The following PTPRD variants were observed in gnomAD, a reference collection of about 807,000 sequenced individuals.
PTPRD encodes protein tyrosine phosphatase receptor type D, also known as receptor-type tyrosine-protein phosphatase delta.
PTPRD carries 34 observed loss-of-function variants against 214.5 expected under a neutral mutation model. The ratio of observed to expected loss-of-function variants is 0.16; its 90% CI spans 0.12 to 0.21. PTPRD has a LOEUF of 0.21. PTPRD is among the 10% of genes least tolerant of loss of function. The pLI is 1.00. For missense variants in PTPRD, 2,545 were observed against 2,398.7 expected (o/e 1.06, Z -1.27); for synonymous variants, 1,128 against 845.7 (o/e 1.33, Z -5.79).
intron 5 of PTPRD, among the ~76,000 whole-genome samples, chr9:9,907,759 C>A (rs894301367): frequency 2.6e-5 from 4 of 151,878 alleles, no homozygotes; most frequent in Non-Finnish European, 4.4e-5. Context: ...CACAATTAAT[C>A]ATACAATTCT....
At position 9,292,465 on chromosome 9, in the gene PTPRD, T is replaced by C. The variant is rs994447704; in HGVS notation, c.-203+104984A>G. On this transcript the variant is annotated intron_variant, in intron 9 of 45. Coordinates refer to ENST00000381196, the MANE Select transcript of PTPRD (RefSeq NM_002839.4). ...AGAGAGTATTTTTTTTAAATAAACT[T>C]TATATTTTAGAATACTTTAACAGAA... Among the ~76,000 whole-genome samples, 24 of 151,504 alleles carry C rather than the reference T, an allele frequency of 1.6e-4. No homozygotes were observed. The East Asian group carries it at 4.3e-3, about 27-fold the overall frequency.
chr9:8,954,586 C>T (rs762336975), intron 11 of PTPRD, among the ~76,000 whole-genome samples: 7 of 151,646 alleles, frequency 4.6e-5, no homozygotes, highest in Non-Finnish European at 1.0e-4. Context: ...CAAAAAACCA[C>T]TCAGCTAAAG....
chr9:9,955,140 C>T (rs1217459457), intron 4 of PTPRD, among the ~76,000 whole-genome samples: 2 of 152,164 alleles, frequency 1.3e-5, no homozygotes, highest in South Asian at 2.1e-4. Flanking sequence ...GCAATGTAGT[C>T]AGGTCCTCTT....
intron 2 of PTPRD, among the ~76,000 whole-genome samples, chr9:10,495,321 AG>A (rs1050339604): frequency 6.6e-6 from 1 of 151,862 alleles, no homozygotes; most frequent in African/African-American, 2.4e-5. Flanking sequence ...GAGAGACATA[AG>A]GAAAGACTGG....
chr9:8,749,376 C>T (rs60192955), intron 11 of PTPRD, among the ~76,000 whole-genome samples: 10,508 of 152,080 alleles, frequency 0.069, 1,114 homozygotes, highest in African/African-American at 0.23. Flanking sequence ...TTAGTAGAGA[C>T]GGGGTTTCAC....
intron 39 of PTPRD, among the ~76,000 whole-genome samples, chr9:8,354,422 TTAAA>T (rs1390465775): frequency 6.6e-6 from 1 of 152,122 alleles, no homozygotes; most frequent in African/African-American, 2.4e-5. Flanking sequence ...TACGAAAAAT[TTAAA>T]TAATAGTAAT....
chr9:9,340,436 G>A (rs780120885), intron 9 of PTPRD, among the ~76,000 whole-genome samples: 1 of 152,058 alleles, frequency 6.6e-6, no homozygotes, highest in Non-Finnish European at 1.5e-5. Flanking sequence ...ATACATTATG[G>A]ATAAAATATT....
chr9:10,024,181 G>C (rs1242873347), intron 4 of PTPRD, among the ~76,000 whole-genome samples: 1 of 151,976 alleles, frequency 6.6e-6, no homozygotes, highest in Non-Finnish European at 1.5e-5. Flanking sequence ...ATTATGATAA[G>C]CATTTTTATC....
intron 5 of PTPRD, among the ~76,000 whole-genome samples, chr9:9,822,100 G>A (rs1253956860): frequency 6.6e-6 from 1 of 151,510 alleles, no homozygotes; most frequent in East Asian, 1.9e-4. Context: ...AAACTCACTT[G>A]AAAATTGGCC....
chr9:9,203,791 T>C (rs185567346), intron 9 of PTPRD, among the ~76,000 whole-genome samples: 1 of 152,308 alleles, frequency 6.6e-6, no homozygotes, highest in East Asian at 1.9e-4. Flanking sequence ...ACATGCTTTA[T>C]AGCAAAGAAA....
At chr9:8,787,976 G>A (rs376699547) in intron 11 of PTPRD, among the ~76,000 whole-genome samples, 1 of 152,012 alleles carries the variant, frequency 6.6e-6, no homozygotes, top group Non-Finnish European at 1.5e-5. Context: ...GGTGCTTTTT[G>A]CTAACTTTGA....
intron 3 of PTPRD, among the ~76,000 whole-genome samples, chr9:10,051,175 G>T (rs1030108224): frequency 6.6e-6 from 1 of 151,966 alleles, no homozygotes; most frequent in African/African-American, 2.4e-5. Context: ...TAAGCAAAGG[G>T]CTCATTTTGT....
intron 12 of PTPRD, among the ~76,000 whole-genome samples, chr9:8,655,928 C>T (rs1390132117): frequency 6.6e-6 from 1 of 152,052 alleles, no homozygotes; most frequent in African/African-American, 2.4e-5. Flanking sequence ...TTCCATGGTT[C>T]GCTACTATTG....
intron 10 of PTPRD, among the ~76,000 whole-genome samples, chr9:9,044,424 C>T (rs942733110): frequency 6.6e-6 from 1 of 152,178 alleles, no homozygotes; most frequent in South Asian, 2.1e-4. Context: ...ACTGAGGACA[C>T]TTTTGCAGCA....
intron 10 of PTPRD, among the ~76,000 whole-genome samples, chr9:9,144,557 TC>T (rs1410720090): frequency 1.3e-5 from 2 of 151,962 alleles, no homozygotes; most frequent in African/African-American, 4.8e-5. Context: ...GTCGAGACCA[TC>T]CTGGCTAACA....
At chr9:9,128,558 C>A (rs1243649762) in intron 10 of PTPRD, among the ~76,000 whole-genome samples, 2 of 152,186 alleles carry the variant, frequency 1.3e-5, no homozygotes, top group Non-Finnish European at 2.9e-5. Flanking sequence ...TTAGCTAGCA[C>A]AAACAGATTT....
chr9:10,309,480 G>A (rs1407620179), intron 3 of PTPRD, among the ~76,000 whole-genome samples: 2 of 150,932 alleles, frequency 1.3e-5, no homozygotes, highest in Non-Finnish European at 2.9e-5. Flanking sequence ...AGCCTCCTGA[G>A]TAGCTCGGAC....
chr9:8,895,841 TAC>T (rs1460893217), intron 11 of PTPRD, among the ~76,000 whole-genome samples: 4 of 152,196 alleles, frequency 2.6e-5, no homozygotes, highest in Non-Finnish European at 5.9e-5. Context: ...GAGAAAACTA[TAC>T]ATTTCACATT....
intron 12 of PTPRD, among the ~76,000 whole-genome samples, chr9:8,681,329 C>G (rs186941184): frequency 2.0e-4 from 31 of 151,824 alleles, no homozygotes; most frequent in Admixed American, 1.6e-3. Flanking sequence ...AAATAAGAAA[C>G]TGAGAGAACT....
Sources: allele counts gnomAD v4.1 joint callset (sites outside exome capture counted in the v4.1 genomes callset), GRCh38; gene constraint gnomAD v4.1.1; transcripts MANE v1.5; gene names NCBI Gene and HGNC (gene_info 2026-07-23, HGNC 2026-07-21).